The following EPHA8 variants were observed in gnomAD, a reference collection of about 807,000 sequenced individuals.
The protein encoded by EPHA8 is EPH receptor A8, also known as ephrin type-A receptor 8.
Under a neutral mutation model 103.6 loss-of-function variants are expected in EPHA8, and 58 were observed. The observed-to-expected ratio is 0.56, with a 90% CI of 0.45 to 0.70. The LOEUF (loss-of-function observed/expected upper bound fraction) is 0.70, where lower values mean the gene tolerates loss of function less well. Among genes scored for constraint, EPHA8 ranks in the 30% least tolerant of loss-of-function variants. The probability of loss-of-function intolerance (pLI) is 0.00; values close to 1 mark genes in which losing one functional copy is unlikely to be tolerated. For synonymous variants in EPHA8, 559 were observed against 572.5 expected, an observed-to-expected ratio of 0.98 and a Z score of 0.34; for missense variants, 1,304 against 1,395.2, an observed-to-expected ratio of 0.93 and a Z score of 1.04.
rs1459854713 is a variant in EPHA8 at position 22,569,948 on chromosome 1, C to T, written c.159+595C>T. Among the ~76,000 whole-genome samples the T allele has an allele frequency of 3.3e-5, 5 of 152,100 alleles. No homozygotes were observed. Among genetic ancestry groups the T allele is most frequent in the African/African-American group, 1.2e-4 (5 of 41,416 alleles). On this transcript the variant is annotated intron_variant, in intron 2 of 16. Transcript: ENST00000166244. The surrounding 1 kb of genome is among the most constrained non-coding windows in gnomAD (Gnocchi z 4.5). ...CAGGGCAGTAGAGTAGGAGTGAGCC[C>T]GCGAGCCTGGTGAGATCCCAGCTCT... is the stretch of plus-strand genomic sequence containing the variant.
intron 7 of EPHA8, 129 bp downstream of exon 7, chr1:22,593,815 C>G: frequency 8.6e-7 from 1 of 1,165,920 alleles, no homozygotes; most frequent in South Asian, 1.7e-5. Context: ...TCTCCTTGCC[C>G]TACCAAGTGG....
intron 3 of EPHA8, among the ~76,000 whole-genome samples, chr1:22,577,980 TGC>T: frequency 3.3e-5 from 1 of 30,082 alleles, no homozygotes; most frequent in Admixed American, 3.0e-4. Flanking sequence ...TGCGTATGTG[TGC>T]ATGTGTGCAT....
At chr1:22,573,951 C>T (rs149917376) in intron 2 of EPHA8, among the ~76,000 whole-genome samples, 2 of 152,310 alleles carry the variant, frequency 1.3e-5, no homozygotes, top group East Asian at 1.9e-4. Context: ...CTGGTGGACC[C>T]GGGGCACTTG....
chr1:22,598,910 C>T lies in EPHA8; in HGVS notation c.2251C>T (p.Leu751Phe), dbSNP rs552850440. Residue 751 changes from leucine (L) to phenylalanine (F), a missense_variant, in exon 13 of 17, where the codon CTC becomes TTC. By Grantham distance (22) the Leu-to-Phe change is conservative. Coordinates refer to ENST00000166244, the MANE Select transcript of EPHA8 (RefSeq NM_020526.5). This position sits in a 1 kb window ranked among gnomAD's most constrained non-coding sequence, Gnocchi z 5.1. ...LRGVGAGMRY[L>F]SDLGYVHRDL... is the part of the protein sequence containing the mutation. ...AGGAGTGGGTGCCGGCATGCGCTAC[C>T]TCTCAGACCTGGGCTATGTCCACCG... The T allele has an allele frequency of 6.2e-7, 1 of 1,613,052 alleles. No homozygotes were observed. Among genetic ancestry groups the T allele is most frequent in the Non-Finnish European group, 8.5e-7 (1 of 1,179,964 alleles).
At chr1:22,586,142 A>C (rs1386342087) in intron 3 of EPHA8, among the ~76,000 whole-genome samples, 1 of 152,020 alleles carries the variant, frequency 6.6e-6, no homozygotes. Flanking sequence ...TCCACCCCTA[A>C]AGCTGGAGAC....
rs1232730345 is a variant in EPHA8, at chr1:22,597,392, T to C, written c.1846T>C (p.Tyr616His). 2 of 1,612,458 alleles carry C rather than the reference T, an allele frequency of 1.2e-6. No homozygotes were observed. The highest frequency in any genetic ancestry group is 1.7e-5 in the Admixed American group (1 of 59,986). Residue 616 changes from tyrosine to histidine, a missense_variant, in exon 10 of 17, where the codon TAC becomes CAC. Coordinates refer to ENST00000166244, the MANE Select transcript of EPHA8 (RefSeq NM_020526.5). This position sits in a 1 kb window ranked among gnomAD's most constrained non-coding sequence, Gnocchi z 4.6. ...CCAGTTCTATGCGGAACCCCACACCTACGAGGAGCCAGGCCGGGCGGGCCG... is the reference window on the plus strand; with the variant it reads ...CCAGTTCTATGCGGAACCCCACACCCACGAGGAGCCAGGCCGGGCGGGCCG... ...EPQFYAEPHT[Y>H]EEPGRAGRSF... is the part of the protein sequence containing the mutation.
chr1:22,594,550 T>G (rs1641464813), intron 7 of EPHA8, among the ~76,000 whole-genome samples: 2 of 152,242 alleles, frequency 1.3e-5, no homozygotes, highest in Non-Finnish European at 2.9e-5. Context: ...ACCCTCTGAC[T>G]TCGAGGCTGT....
At position 22,589,068 on chromosome 1, in the gene EPHA8, G is replaced by A. The variant is rs1328150773; in HGVS notation, c.1177G>A (p.Val393Met). Reference protein sequence around the residue: ...TRFVPQQTSLVQASLLVANLL... With the variant: ...TRFVPQQTSLMQASLLVANLL... ...CTTTGTGCCCCAGCAGACAAGCCTG[G>A]TGCAGGCCAGCCTGCTGGTGGCCAA... The change falls in exon 5 of 17, where the codon GTG (valine) becomes ATG (methionine). Residue 393 changes from valine to methionine, a missense_variant. Physicochemically the swap from Val to Met is conservative, Grantham distance 21. Transcript: ENST00000166244. This position sits in a 1 kb window ranked among gnomAD's most constrained non-coding sequence, Gnocchi z 4.3. 7 of 1,613,234 alleles carry A rather than the reference G, an allele frequency of 4.3e-6. No individual in the cohort carries two copies. The highest frequency in any genetic ancestry group is 3.3e-5 in the Admixed American group (2 of 59,956).
intron 1 of EPHA8, among the ~76,000 whole-genome samples, chr1:22,564,009 A>G (rs895217107): frequency 6.6e-6 from 1 of 151,946 alleles, no homozygotes; most frequent in Non-Finnish European, 1.5e-5. Context: ...AGCTGGGGAC[A>G]GAATACTGAG....
intron 3 of EPHA8, among the ~76,000 whole-genome samples, chr1:22,578,041 A>ATGTGCATGTG (rs1260455226): frequency 0.011 from 56 of 5,058 alleles, no homozygotes; most frequent in Non-Finnish European, 4.0e-3. Flanking sequence ...ATGTGTATGT[A>ATGTGCATGTG]TGTGCATGTG....
rs972381156 is a variant in EPHA8, at chr1:22,569,887, C to T, written c.159+534C>T. Among the ~76,000 whole-genome samples, 2 of 152,176 alleles carry T rather than the reference C, an allele frequency of 1.3e-5. No homozygotes were observed. The highest frequency in any genetic ancestry group is 2.4e-5 in the African/African-American group (1 of 41,424). Reference sequence around the variant, plus strand: ...CTGCAGTGAGCAGGCTGCACTGCCCCGTCCCTCTGCTTCTCTTCTCTGAAT... The same window carrying T: ...CTGCAGTGAGCAGGCTGCACTGCCCTGTCCCTCTGCTTCTCTTCTCTGAAT... On this transcript the variant is annotated intron_variant, in intron 2 of 16. Transcript: ENST00000166244. This position sits in a 1 kb window ranked among gnomAD's most constrained non-coding sequence, Gnocchi z 4.5.
chr1:22,599,163 C>A, intron 13 of EPHA8, 116 bp downstream of exon 13: 2 of 1,132,570 alleles, frequency 1.8e-6, no homozygotes, highest in Non-Finnish European at 1.3e-6. Context: ...TCGGGGTGGC[C>A]CTCAACCTGG....
intron 4 of EPHA8, 108 bp downstream of exon 4, chr1:22,586,743 G>A (rs1467646807): frequency 2.8e-6 from 4 of 1,438,878 alleles, no homozygotes; most frequent in Non-Finnish European, 3.8e-6. Flanking sequence ...GTGGGGCAGG[G>A]GCGGGTGGCT....
intron 2 of EPHA8, among the ~76,000 whole-genome samples, chr1:22,570,693 A>G (rs1318627966): frequency 6.6e-6 from 1 of 152,206 alleles, no homozygotes; most frequent in Non-Finnish European, 1.5e-5. Context: ...ATCAGCCCTC[A>G]TGCACCGGGC....
intron 5 of EPHA8, among the ~76,000 whole-genome samples, chr1:22,591,991 C>A (rs1268856891): frequency 6.6e-6 from 1 of 152,178 alleles, no homozygotes; most frequent in Non-Finnish European, 1.5e-5. Context: ...GGGACAGAAG[C>A]TCCTAGAGGG....
chr1:22,600,570 G>A, intron 13 of EPHA8, 91 bp from the exon 14 acceptor site: 1 of 1,523,324 alleles, frequency 6.6e-7, no homozygotes, highest in Non-Finnish European at 8.9e-7. Context: ...CTGGAAAACA[G>A]GACCCCAGTG....
intron 3 of EPHA8, among the ~76,000 whole-genome samples, chr1:22,585,560 C>T (rs1641179115): frequency 2.0e-5 from 3 of 152,238 alleles, no homozygotes; most frequent in Admixed American, 6.5e-5. Context: ...GAGCCAGTGG[C>T]TCTGGTTCAC....
intron 9 of EPHA8, among the ~76,000 whole-genome samples, chr1:22,596,901 G>A (rs1289260699): frequency 7.2e-5 from 11 of 152,122 alleles, no homozygotes; most frequent in East Asian, 1.9e-4. Context: ...CAAGTGATCC[G>A]CCCGCCTCGG....
rs562991590 is a variant in EPHA8, at chr1:22,598,326, C to G, written c.2178+114C>G. On this transcript the variant is annotated intron_variant, in intron 12 of 16. Coordinates refer to ENST00000166244, the MANE Select transcript of EPHA8 (RefSeq NM_020526.5). This position sits in a 1 kb window ranked among gnomAD's most constrained non-coding sequence, Gnocchi z 5.1. ...CCTCCCTGGCTTGGACACCACAGGC[C>G]GGGGGACAGGAGGCAGGTATAGGGA... The G allele has an allele frequency of 9.5e-7, 1 of 1,056,276 alleles. No individual in the cohort carries two copies. Among genetic ancestry groups the G allele is most frequent in the African/African-American group, 1.6e-5 (1 of 62,772 alleles). 65.4% of individuals were successfully genotyped at this position (1,056,276 alleles called of 1,614,324 possible). A position where few individuals can be genotyped will look rare whatever the true frequency, so the allele number is the denominator to read the frequency against.
Sources: allele counts gnomAD v4.1 joint callset (sites outside exome capture counted in the v4.1 genomes callset), GRCh38; gene constraint gnomAD v4.1.1; non-coding constraint Gnocchi (gnomAD v3.1); transcripts MANE v1.5; gene names NCBI Gene and HGNC (gene_info 2026-07-23, HGNC 2026-07-21).